Variants in COL5A2 observed in about 807,000 individuals in gnomAD.
COL5A2 encodes the protein collagen type V alpha 2 chain, also known as collagen alpha-2(V) chain.
In COL5A2, 23 loss-of-function variants were observed where a neutral mutation model predicts 208.2. That is an observed-to-expected ratio of 0.11 (90% confidence interval 0.08 to 0.16). The LOEUF (loss-of-function observed/expected upper bound fraction) is 0.16. Ranked by LOEUF, COL5A2 falls within the 10% of genes least tolerant of loss-of-function variation. The pLI, the probability that COL5A2 is intolerant of heterozygous loss-of-function variation, is 1.00. For synonymous variants in COL5A2, 625 were observed against 628.5 expected, an observed-to-expected ratio of 0.99 and a Z score of 0.08; for missense variants, 1,590 against 1,956.4, an observed-to-expected ratio of 0.81 and a Z score of 3.53.
At chr2:189,192,603 A>C (rs16831202) in intron 1 of COL5A2, among the ~76,000 whole-genome samples, 3,989 of 152,296 alleles carry the variant, frequency 0.026, 181 homozygotes, top group African/African-American at 0.092. Flanking sequence ...CCTACATATA[A>C]AGAGTGATTC....
the COL5A2 span, among the ~76,000 whole-genome samples, chr2:189,298,774 C>T: frequency 7.9e-5 from 12 of 152,132 alleles, no homozygotes; most frequent in Admixed American, 4.6e-4. Flanking sequence ...AAAGAATCTC[C>T]ATTTCTCCCC....
chr2:189,261,434 C>T, the COL5A2 span, among the ~76,000 whole-genome samples: 5 of 152,112 alleles, frequency 3.3e-5, no homozygotes, highest in East Asian at 9.6e-4. Flanking sequence ...TACAGATTGA[C>T]TAAAACACCA....
rs1044739527 is a variant in COL5A2 at position 189,097,348 on chromosome 2, G to T, written c.403-18C>A. On this transcript the variant is annotated intron_variant, in intron 5 of 53. Transcript: ENST00000374866. ...GGAGGTCCCTAAAACAGAAAATGAT[G>T]ATTATGCATGCAAAAATGTATACTT... 1.9e-6 allele frequency: 3 copies of T among 1,612,960 alleles called. No individual in the cohort carries two copies. The highest frequency in any genetic ancestry group is 1.7e-5 in the Admixed American group (1 of 59,984).
chr2:189,342,640 A>AACACACACAC, the COL5A2 span, among the ~76,000 whole-genome samples: 51 of 143,688 alleles, frequency 3.5e-4, no homozygotes, highest in African/African-American at 1.1e-3. Flanking sequence ...AGAGAGCTAA[A>AACACACACAC]ACACACACAC....
chr2:189,140,961 A>G (rs1350245355), intron 1 of COL5A2, among the ~76,000 whole-genome samples: 2 of 152,228 alleles, frequency 1.3e-5, no homozygotes, highest in Non-Finnish European at 2.9e-5. Flanking sequence ...ATTCTAAAAT[A>G]TACTAAAATT....
the COL5A2 span, among the ~76,000 whole-genome samples, chr2:189,436,280 C>T: frequency 6.6e-6 from 1 of 152,036 alleles, no homozygotes; most frequent in African/African-American, 2.4e-5. Context: ...CCAAAATTGA[C>T]AAATGGGATC....
At chr2:189,359,962 A>T in the COL5A2 span, among the ~76,000 whole-genome samples, 1 of 151,998 alleles carries the variant, frequency 6.6e-6, no homozygotes, top group South Asian at 2.1e-4. Context: ...CTTTTTGCTT[A>T]GTCTAGCTAA....
At chr2:189,068,674 C>T (rs974104884) in intron 19 of COL5A2, 112 bp downstream of exon 19, 11 of 786,596 alleles carry the variant, frequency 1.4e-5, no homozygotes, top group Admixed American at 1.0e-4. Flanking sequence ...CAGGTACCCC[C>T]TAAATATGTA....
At position 189,202,733 on chromosome 2, in the gene COL5A2, T is replaced by C. The variant is rs189752221; in HGVS notation, c.-42+22415A>G. On this transcript the variant is annotated intron_variant, in intron 1 of 10. Transcript: ENST00000649966. Reference sequence around the variant, plus strand: ...ATTTGAGAATCATCTTTAAAATCATTATCTTTGTTGGGAGATTTGGCAAGA... The same window carrying C: ...ATTTGAGAATCATCTTTAAAATCATCATCTTTGTTGGGAGATTTGGCAAGA... 1.1e-4 allele frequency among the ~76,000 whole-genome samples: 17 copies of C among 152,232 alleles called. No homozygotes were observed. In the East Asian group the frequency reaches 3.1e-3, roughly 28 times the overall value.
At chr2:189,230,802 A>C in the COL5A2 span, among the ~76,000 whole-genome samples, 1 of 151,972 alleles carries the variant, frequency 6.6e-6, no homozygotes, top group Non-Finnish European at 1.5e-5. Context: ...AAAAATTAGA[A>C]ATAGAGCTAC....
chr2:189,056,128 CTAT>C (rs1685895856), intron 35 of COL5A2, among the ~76,000 whole-genome samples: 1 of 152,128 alleles, frequency 6.6e-6, no homozygotes, highest in Admixed American at 6.6e-5. Context: ...TAATCTAAAG[CTAT>C]TATAACCAAT....
chr2:189,086,089 T>C (rs1409724158), intron 9 of COL5A2, among the ~76,000 whole-genome samples: 1 of 152,166 alleles, frequency 6.6e-6, no homozygotes. Flanking sequence ...ATCATCACCA[T>C]CATCAACCAC....
At chr2:189,067,968 G>C in intron 21 of COL5A2, 47 bp downstream of exon 21, 1 of 1,443,114 alleles carries the variant, frequency 6.9e-7, no homozygotes, top group African/African-American at 1.4e-5. Flanking sequence ...CTTGGCCCTC[G>C]TAGTTAGATT....
intron 23 of COL5A2, among the ~76,000 whole-genome samples, chr2:189,065,616 A>C (rs1406712166): frequency 6.6e-6 from 1 of 152,216 alleles, no homozygotes; most frequent in Non-Finnish European, 1.5e-5. Flanking sequence ...TGATATCTAG[A>C]GATGAGAGGC....
chr2:189,413,754 C>T, the COL5A2 span, among the ~76,000 whole-genome samples: 1 of 144,524 alleles, frequency 6.9e-6, no homozygotes. Context: ...ATGAAAGATT[C>T]ACAAAAGAAA....
chr2:189,356,925 G>C, the COL5A2 span, among the ~76,000 whole-genome samples: 1 of 152,132 alleles, frequency 6.6e-6, no homozygotes. Context: ...CCTCTGAGTG[G>C]ATGTCCTTTT....
intron 1 of COL5A2, among the ~76,000 whole-genome samples, chr2:189,174,109 G>T (rs930837772): frequency 6.6e-6 from 1 of 152,156 alleles, no homozygotes; most frequent in African/African-American, 2.4e-5. Flanking sequence ...AGATTAACAC[G>T]ATTCCAATCT....
intron 51 of COL5A2, 26 bp downstream of exon 51, chr2:189,039,245 TG>T: frequency 6.2e-7 from 1 of 1,612,906 alleles, no homozygotes; most frequent in Non-Finnish European, 8.5e-7. Flanking sequence ...CAACGGGTTT[TG>T]CTCAAATGGG....
intron 1 of COL5A2, among the ~76,000 whole-genome samples, chr2:189,148,114 T>C (rs115241344): frequency 0.016 from 2,415 of 152,228 alleles, 30 homozygotes; most frequent in Admixed American, 0.026. Context: ...TACTATTCAC[T>C]GGGGGGAGGG....
Sources: allele counts gnomAD v4.1 joint callset (sites outside exome capture counted in the v4.1 genomes callset), GRCh38; gene constraint gnomAD v4.1.1; transcripts MANE v1.5; gene names NCBI Gene and HGNC (gene_info 2026-07-23, HGNC 2026-07-21).